SYNPR: variants seen among roughly 807,000 people sequenced by gnomAD.
SYNPR encodes the protein synaptoporin.
In SYNPR, 23 loss-of-function variants were observed where a neutral mutation model predicts 32.9. The observed-to-expected ratio is 0.70, with a 90% CI of 0.50 to 0.99. The LOEUF is 0.99. SYNPR is among the 50% of genes least tolerant of loss of function. The probability of loss-of-function intolerance (pLI) is 0.00; values close to 1 mark genes in which losing one functional copy is unlikely to be tolerated. For missense variants in SYNPR, 318 were observed against 349.3 expected (o/e 0.91, Z 0.71); for synonymous variants, 146 against 135.9 (o/e 1.07, Z -0.52).
chr3:63,377,209 T>C (rs1325677682), intron 2 of SYNPR, among the ~76,000 whole-genome samples: 1 of 152,138 alleles, frequency 6.6e-6, no homozygotes, highest in Admixed American at 6.6e-5. Flanking sequence ...AAGAAATAAA[T>C]CTCAATTTAC....
intron 2 of SYNPR, among the ~76,000 whole-genome samples, chr3:63,284,307 G>A (rs530754467): frequency 6.6e-6 from 1 of 152,320 alleles, no homozygotes; most frequent in South Asian, 2.1e-4. Flanking sequence ...CACTGGTGCA[G>A]ACTTAAGGTC....
intron 2 of SYNPR, among the ~76,000 whole-genome samples, chr3:63,287,503 G>C (rs553669729): frequency 2.6e-5 from 4 of 152,136 alleles, no homozygotes; most frequent in African/African-American, 9.6e-5. Flanking sequence ...TGCAGTGTGA[G>C]AGCAGGGATC....
rs967941914 is a variant in SYNPR at position 63,255,613 on chromosome 3, G to C, written n.154+3027G>C. ...AGGTGAGATTAATAACTCATGACTT[G>C]AGGAGGAGCCAAGATGGCCAAATAG... On this transcript the variant is annotated intron_variant and non_coding_transcript_variant, in intron 2 of 4. Transcript: ENST00000478456. 2.6e-5 allele frequency among the ~76,000 whole-genome samples: 4 copies of C among 152,170 alleles called. No individual in the cohort carries two copies. The East Asian group carries it at 7.7e-4, about 29-fold the overall frequency.
chr3:63,380,157 T>C (rs1364919034), intron 2 of SYNPR, among the ~76,000 whole-genome samples: 2 of 152,204 alleles, frequency 1.3e-5, no homozygotes, highest in Non-Finnish European at 2.9e-5. Context: ...TACATCCGCA[T>C]GTGTCTTTAT....
chr3:63,450,152 C>A (rs1405186876), intron 2 of SYNPR, among the ~76,000 whole-genome samples: 3 of 152,106 alleles, frequency 2.0e-5, no homozygotes, highest in African/African-American at 7.2e-5. Flanking sequence ...TTTTGGACTG[C>A]CCACATACAT....
intron 3 of SYNPR, among the ~76,000 whole-genome samples, chr3:63,499,378 GA>G (rs1559518121): frequency 2.6e-5 from 4 of 152,078 alleles, no homozygotes; most frequent in Non-Finnish European, 4.4e-5. Context: ...CTTAATAAAT[GA>G]GGAAATGACC....
intron 3 of SYNPR, among the ~76,000 whole-genome samples, chr3:63,527,148 C>A (rs1702027769): frequency 6.6e-6 from 1 of 152,048 alleles, no homozygotes; most frequent in South Asian, 2.1e-4. Context: ...CCAGAACAAA[C>A]CCAGGCGGAA....
intron 2 of SYNPR, among the ~76,000 whole-genome samples, chr3:63,453,161 C>G (rs1418424925): frequency 6.6e-6 from 1 of 152,142 alleles, no homozygotes; most frequent in Non-Finnish European, 1.5e-5. Flanking sequence ...AAGCTCAGAT[C>G]TAGCACAAGT....
chr3:63,374,459 G>C (rs895395274), intron 2 of SYNPR, among the ~76,000 whole-genome samples: 21 of 152,020 alleles, frequency 1.4e-4, no homozygotes, highest in South Asian at 2.1e-4. Flanking sequence ...AAGAGAGAGA[G>C]GATCAAAAAA....
At chr3:63,524,971 T>A (rs1449129773) in intron 3 of SYNPR, among the ~76,000 whole-genome samples, 1 of 151,818 alleles carries the variant, frequency 6.6e-6, no homozygotes, top group African/African-American at 2.4e-5. Flanking sequence ...TCTTTGAAGT[T>A]AGAAACTAAT....
chr3:63,609,013 T>C (rs912644842), intron 4 of SYNPR, 112 bp from the exon 5 acceptor site: 84 of 962,804 alleles, frequency 8.7e-5, no homozygotes, highest in Non-Finnish European at 1.3e-4. Context: ...TCCAGTGCTA[T>C]GGGATCTTAA....
At chr3:63,252,484 G>A (rs1049691364) in intron 1 of SYNPR, 3 of 152,018 alleles carry the variant, frequency 2.0e-5, no homozygotes, top group Admixed American at 6.6e-5. Flanking sequence ...AATTAATTTC[G>A]TTTTCTTTTT....
chr3:63,287,135 A>T (rs1329567975), intron 2 of SYNPR, among the ~76,000 whole-genome samples: 1 of 152,126 alleles, frequency 6.6e-6, no homozygotes, highest in Admixed American at 6.5e-5. Flanking sequence ...GAATTATCCA[A>T]ACTTTACTGG....
chr3:63,309,891 G>A (rs2013976), intron 2 of SYNPR, among the ~76,000 whole-genome samples: 3,926 of 152,046 alleles, frequency 0.026, 147 homozygotes, highest in African/African-American at 0.089. Flanking sequence ...TATGCATTGT[G>A]TGTATAACAC....
chr3:63,472,779 G>T (rs142023499), intron 2 of SYNPR, among the ~76,000 whole-genome samples: 2 of 152,134 alleles, frequency 1.3e-5, no homozygotes, highest in Non-Finnish European at 2.9e-5. Flanking sequence ...TTTTTTTAAT[G>T]CCTCTCCCTT....
chr3:63,501,501 AAAAAAAAAAAAAAGAAAAG>A (rs1316161309), intron 3 of SYNPR, among the ~76,000 whole-genome samples: 1 of 129,248 alleles, frequency 7.7e-6, no homozygotes, highest in Non-Finnish European at 1.7e-5. Context: ...AACCAAAAAA[AAAAAAAAAAAAAAGAAAAG>A]AAAAAGAAAA....
At chr3:63,326,603 T>A (rs975030326) in intron 2 of SYNPR, among the ~76,000 whole-genome samples, 1 of 152,116 alleles carries the variant, frequency 6.6e-6, no homozygotes, top group African/African-American at 2.4e-5. Flanking sequence ...GATCACTGAG[T>A]GTCCAGTCTT....
At chr3:63,343,688 T>C (rs554209987) in intron 2 of SYNPR, among the ~76,000 whole-genome samples, 1 of 152,356 alleles carries the variant, frequency 6.6e-6, no homozygotes, top group Admixed American at 6.5e-5. Context: ...CAGTATAAAT[T>C]ACCCTAGAAG....
chr3:63,257,885 A>C (rs1328719086), intron 2 of SYNPR, among the ~76,000 whole-genome samples: 8 of 152,206 alleles, frequency 5.3e-5, no homozygotes, highest in Non-Finnish European at 8.8e-5. Context: ...TCTACCAAGC[A>C]AATGGAAAAC....
Sources: gnomAD v4.1 joint callset for allele counts (sites outside exome capture counted in the v4.1 genomes callset) on GRCh38, gnomAD v4.1.1 for gene constraint, MANE v1.5 for transcripts, NCBI Gene and HGNC (gene_info 2026-07-23, HGNC 2026-07-21) for gene names.